FYN: variants seen among roughly 807,000 people sequenced by gnomAD.
FYN encodes the protein FYN proto-oncogene, Src family tyrosine kinase.
In FYN, 10 loss-of-function variants were observed where a neutral mutation model predicts 70.2. The ratio of observed to expected loss-of-function variants is 0.14; its 90% CI spans 0.09 to 0.24. The LOEUF is 0.24. Among genes scored for constraint, FYN ranks in the 10% least tolerant of loss-of-function variants. The pLI, the probability that FYN is intolerant of heterozygous loss-of-function variation, is 1.00. For missense variants in FYN, 319 were observed against 673.1 expected, an observed-to-expected ratio of 0.47 and a Z score of 5.82; for synonymous variants, 236 against 248.6, an observed-to-expected ratio of 0.95 and a Z score of 0.48.
intron 3 of FYN, among the ~76,000 whole-genome samples, chr6:111,747,596 G>A (rs72942116): frequency 0.011 from 1,718 of 152,300 alleles, 20 homozygotes; most frequent in South Asian, 0.038. Flanking sequence ...GTCCTCTGAA[G>A]TGAACTAGTC....
At chr6:111,866,703 T>C (rs941545328) in intron 1 of FYN, among the ~76,000 whole-genome samples, 2 of 152,204 alleles carry the variant, frequency 1.3e-5, no homozygotes, top group African/African-American at 4.8e-5. Context: ...CCTGGTGACT[T>C]TGCCATCTTG....
intron 2 of FYN, among the ~76,000 whole-genome samples, chr6:111,823,597 C>T (rs1051048076): frequency 2.0e-5 from 3 of 152,172 alleles, no homozygotes; most frequent in African/African-American, 7.2e-5. Flanking sequence ...TCCCCTCTTA[C>T]TTTTAAAATA....
chr6:111,742,744 C>A (rs1802033080), intron 3 of FYN, among the ~76,000 whole-genome samples: 1 of 152,206 alleles, frequency 6.6e-6, no homozygotes, highest in Non-Finnish European at 1.5e-5. Context: ...ATATCATTTA[C>A]CATCTTATGT....
intron 2 of FYN, among the ~76,000 whole-genome samples, chr6:111,804,431 T>A (rs148602999): frequency 6.6e-6 from 1 of 152,126 alleles, no homozygotes; most frequent in Non-Finnish European, 1.5e-5. Context: ...CTTTCCAGCA[T>A]CCCTGTTCCA....
intron 2 of FYN, among the ~76,000 whole-genome samples, chr6:111,841,707 A>G (rs1182874648): frequency 1.3e-5 from 2 of 152,196 alleles, no homozygotes; most frequent in Non-Finnish European, 2.9e-5. Flanking sequence ...CACGCTGAAA[A>G]TATTGTTATC....
intron 2 of FYN, among the ~76,000 whole-genome samples, chr6:111,823,030 C>T (rs971880967): frequency 6.6e-6 from 1 of 152,186 alleles, no homozygotes; most frequent in African/African-American, 2.4e-5. Context: ...TGCCACAGGG[C>T]GGCTAACACA....
chr6:111,685,511 C>T (rs570477779), intron 12 of FYN, among the ~76,000 whole-genome samples: 3 of 152,204 alleles, frequency 2.0e-5, no homozygotes, highest in Non-Finnish European at 4.4e-5. Context: ...GCCACTGAGC[C>T]CCCTCCTTTG....
chr6:111,787,478 T>G (rs894527310), intron 2 of FYN, among the ~76,000 whole-genome samples: 16 of 152,202 alleles, frequency 1.1e-4, no homozygotes, highest in African/African-American at 3.9e-4. Context: ...CCTTGTAGTA[T>G]AGTTTGAAGT....
intron 3 of FYN, among the ~76,000 whole-genome samples, chr6:111,747,131 T>A (rs1305608698): frequency 2.0e-5 from 3 of 152,194 alleles, no homozygotes; most frequent in African/African-American, 7.2e-5. Context: ...CTTGTCCAAG[T>A]AGCACTTTAG....
chr6:111,797,951 C>T (rs1306060351), intron 2 of FYN, among the ~76,000 whole-genome samples: 3 of 151,728 alleles, frequency 2.0e-5, no homozygotes, highest in South Asian at 2.1e-4. Flanking sequence ...TTAGTAGAGA[C>T]GGCGTTTCAT....
chr6:111,839,365 G>C (rs1283323978), intron 2 of FYN, among the ~76,000 whole-genome samples: 2 of 152,078 alleles, frequency 1.3e-5, no homozygotes, highest in African/African-American at 4.8e-5. Flanking sequence ...TATGTAGCAT[G>C]GGGAAAGGAG....
chr6:111,703,193 T>C (rs1332782993), intron 7 of FYN, among the ~76,000 whole-genome samples, 159 bp from the exon 8 acceptor site: 1 of 152,216 alleles, frequency 6.6e-6, no homozygotes, highest in Non-Finnish European at 1.5e-5. Context: ...AAGATGCTTC[T>C]TGATGTTCTG....
intron 12 of FYN, among the ~76,000 whole-genome samples, chr6:111,688,972 T>C (rs1336768056): frequency 6.6e-6 from 1 of 152,186 alleles, no homozygotes; most frequent in Admixed American, 6.5e-5. Flanking sequence ...TCTTGAAAGA[T>C]TGATTTTTTC....
At chr6:111,760,335 C>T (rs1357868592) in intron 3 of FYN, among the ~76,000 whole-genome samples, 2 of 152,096 alleles carry the variant, frequency 1.3e-5, no homozygotes, top group Admixed American at 6.6e-5. Flanking sequence ...CACTCCTGCT[C>T]GCTTCCATCT....
At chr6:111,852,273 G>A (rs776331035) in intron 1 of FYN, among the ~76,000 whole-genome samples, 2 of 152,158 alleles carry the variant, frequency 1.3e-5, no homozygotes, top group South Asian at 2.1e-4. Context: ...GGAATTATTC[G>A]AAATGTACAC....
At chr6:111,867,458 GAAAAAAAAAA>G (rs373634134) in intron 1 of FYN, among the ~76,000 whole-genome samples, 5 of 70,462 alleles carry the variant, frequency 7.1e-5, no homozygotes, top group South Asian at 9.8e-4. Flanking sequence ...TCCGTCTCGG[GAAAAAAAAAA>G]AAAAAAAAAA....
chr6:111,712,191 G>A (rs979808071), intron 5 of FYN, among the ~76,000 whole-genome samples: 1 of 152,204 alleles, frequency 6.6e-6, no homozygotes, highest in African/African-American at 2.4e-5. Context: ...ATGCACAGAC[G>A]CACGTGCAGT....
At chr6:111,773,691 A>C (rs1189482607) in intron 3 of FYN, among the ~76,000 whole-genome samples, 1 of 138,144 alleles carries the variant, frequency 7.2e-6, no homozygotes, top group Non-Finnish European at 1.6e-5. Context: ...GAAATACAAA[A>C]CAGGAAAGGA....
intron 2 of FYN, among the ~76,000 whole-genome samples, chr6:111,790,934 C>T (rs972648202): frequency 1.3e-5 from 2 of 152,190 alleles, no homozygotes; most frequent in Admixed American, 6.5e-5. Flanking sequence ...GAGGGTTGGG[C>T]CATGTACATG....
Sources: allele counts gnomAD v4.1 joint callset (sites outside exome capture counted in the v4.1 genomes callset), GRCh38; gene constraint gnomAD v4.1.1; transcripts MANE v1.5; gene names NCBI Gene and HGNC (gene_info 2026-07-23, HGNC 2026-07-21).